CD302: variants seen among roughly 807,000 people sequenced by gnomAD.
CD302 encodes CD302 molecule, also known as CD302 antigen.
In CD302, 23 loss-of-function variants were observed where a neutral mutation model predicts 26.5. The observed-to-expected ratio is 0.87, with a 90% CI of 0.62 to 1.23. The LOEUF (loss-of-function observed/expected upper bound fraction) is 1.23, where lower values mean the gene tolerates loss of function less well. Ranked by LOEUF, CD302 falls within the 50% of genes most tolerant of loss-of-function variation. The pLI, the probability that CD302 is intolerant of heterozygous loss-of-function variation, is 0.00. For synonymous variants in CD302, 90 were observed against 99.4 expected (o/e 0.91, Z 0.56); for missense variants, 290 against 275.5 (o/e 1.05, Z -0.37).
intron 1 of CD302, among the ~76,000 whole-genome samples, chr2:159,784,346 C>CTTTTTT (rs151184238): frequency 1.9e-5 from 1 of 53,066 alleles, no homozygotes; most frequent in Non-Finnish European, 3.2e-5. Flanking sequence ...TTAAGTTCTG[C>CTTTTTT]TTTTTTTTTT....
At chr2:159,780,326 C>G (rs1259303981) in intron 3 of CD302, 148 bp from the exon 4 acceptor site, 2 of 925,212 alleles carry the variant, frequency 2.2e-6, no homozygotes, top group Non-Finnish European at 3.1e-6. Flanking sequence ...AGGAATATAT[C>G]CTGTGTACAG....
rs1432639373 is a variant in CD302 at position 159,768,635 on chromosome 2, C to G, written c.*3216G>C. 6.6e-6 allele frequency: 1 copy of G among 152,504 alleles called. No homozygotes were observed. The highest frequency in any genetic ancestry group is 1.5e-5 in the Non-Finnish European group (1 of 67,982). 9.4% of individuals were successfully genotyped at this position (152,504 alleles called of 1,614,324 possible). On this transcript the variant is annotated 3_prime_UTR_variant, in exon 6 of 6. Coordinates refer to ENST00000259053, the MANE Select transcript of CD302 (RefSeq NM_014880.5). ...TCAAAGAAGACATCAGACTTCATAA[C>G]CAAGAATTTTATTACAATTTCAAAT... is the stretch of plus-strand genomic sequence containing the variant.
At chr2:159,781,603 G>A (rs1708513580) in intron 2 of CD302, 1 of 145,616 alleles carries the variant, frequency 6.9e-6, no homozygotes, top group Non-Finnish European at 1.5e-5. Flanking sequence ...AAAAGAGAGA[G>A]AAAGAAAGAA....
intron 1 of CD302, among the ~76,000 whole-genome samples, chr2:159,796,349 T>C (rs1708954604): frequency 6.6e-6 from 1 of 152,194 alleles, no homozygotes; most frequent in Non-Finnish European, 1.5e-5. Context: ...TCAGTAACCA[T>C]AAACATCCAA....
At position 159,768,988 on chromosome 2, in the gene CD302, A is replaced by C. The variant is rs1459039039; in HGVS notation, c.*2863T>G. The C allele has an allele frequency of 2.0e-5, 3 of 152,210 alleles. No homozygotes were observed. The highest frequency in any genetic ancestry group is 7.2e-5 in the African/African-American group (3 of 41,450). 9.4% of individuals were successfully genotyped at this position (152,210 alleles called of 1,614,324 possible). On this transcript the variant is annotated 3_prime_UTR_variant, in exon 6 of 6. Transcript: ENST00000259053. The stretch of plus-strand genomic sequence containing the variant: ...ATAACAATGGCTTAAGCTTTACAGT[A>C]TTCTTGTAGTTCCCTAGTACCACTT...
intron 1 of CD302, among the ~76,000 whole-genome samples, chr2:159,788,212 A>G (rs1708719038): frequency 1.0e-5 from 1 of 99,036 alleles, no homozygotes; most frequent in African/African-American, 3.8e-5. Context: ...TTCATTTAAG[A>G]TGTACATAGT....
At chr2:159,786,098 C>A (rs1322651604) in intron 1 of CD302, among the ~76,000 whole-genome samples, 1 of 152,158 alleles carries the variant, frequency 6.6e-6, no homozygotes, top group Admixed American at 6.5e-5. Context: ...TCATTGGCAT[C>A]TTTTGCTCCT....
At chr2:159,794,690 A>G (rs1708903313) in intron 1 of CD302, among the ~76,000 whole-genome samples, 3 of 151,430 alleles carry the variant, frequency 2.0e-5, no homozygotes, top group Non-Finnish European at 4.4e-5. Flanking sequence ...CTGGGACCAC[A>G]GGTGCCTGCC....
chr2:159,797,430 C>T (rs1053886279), intron 1 of CD302, among the ~76,000 whole-genome samples: 3 of 152,100 alleles, frequency 2.0e-5, no homozygotes, highest in Non-Finnish European at 1.5e-5. Context: ...ATAAAGACCA[C>T]GGTCAATAGA....
chr2:159,786,915 T>G (rs1708681618), intron 1 of CD302, among the ~76,000 whole-genome samples: 1 of 152,324 alleles, frequency 6.6e-6, no homozygotes, highest in Middle Eastern at 3.4e-3. Flanking sequence ...TAACCTAACT[T>G]CTAACACCAT....
rs1242786104 is a variant in CD302 at position 159,770,586 on chromosome 2, G to A, written c.*1265C>T. The A allele has an allele frequency of 6.6e-6, 1 of 152,124 alleles. No homozygotes were observed. The highest frequency in any genetic ancestry group is 1.5e-5 in the Non-Finnish European group (1 of 68,016). The allele number at this position is 152,124 out of a possible 1,614,324, so 9.4% of individuals were successfully genotyped here. ...CAGAAGAGGGATTACTTTTCTTTGA[G>A]CCTCAGACTTCTAGACAGTATACTT... is the stretch of plus-strand genomic sequence containing the variant. On this transcript the variant is annotated 3_prime_UTR_variant, in exon 6 of 6. Transcript: ENST00000259053.
At chr2:159,781,386 C>CAA (rs11451100) in intron 2 of CD302, 12 of 130,020 alleles carry the variant, frequency 9.2e-5, no homozygotes, top group East Asian at 2.2e-4. Flanking sequence ...CTGTCCCTAC[C>CAA]AAAAAAAAAT....
chr2:159,777,515 A>G (rs1708370676), intron 5 of CD302, among the ~76,000 whole-genome samples: 1 of 152,242 alleles, frequency 6.6e-6, no homozygotes. Context: ...ACTTTCTAGA[A>G]TATACTCAAA....
chr2:159,784,147 AT>A (rs1708597945), intron 1 of CD302, among the ~76,000 whole-genome samples: 1 of 152,068 alleles, frequency 6.6e-6, no homozygotes, highest in Non-Finnish European at 1.5e-5. Flanking sequence ...CTAGAATTTA[AT>A]TGGTTAGTAT....
rs973481165 is a variant in CD302 at position 159,780,062 on chromosome 2, A to C, written c.412T>G (p.Trp138Gly). The stretch of plus-strand genomic sequence containing the variant: ...GAAACTTCACAATTTCCTTTTTTCC[A>C]TTCACCTGTCTTGATGTGCAGAAAA... ...CAFLHIKTGE[W>G]KKGNCEVSSV... Residue 138 changes from tryptophan to glycine, a missense_variant, in exon 4 of 6, where the codon TGG becomes GGG. Coordinates refer to ENST00000259053, the MANE Select transcript of CD302 (RefSeq NM_014880.5). 1.2e-6 allele frequency: 2 copies of C among 1,613,932 alleles called. No individual in the cohort carries two copies. Among genetic ancestry groups the C allele is most frequent in the Admixed American group, 1.7e-5 (1 of 59,980 alleles).
chr2:159,793,557 C>T (rs2125815788), intron 1 of CD302, among the ~76,000 whole-genome samples: 1 of 152,256 alleles, frequency 6.6e-6, no homozygotes, highest in South Asian at 2.1e-4. Context: ...AAGACCTTTG[C>T]TCCTCTCCCA....
rs775893556 is a variant in CD302 at position 159,770,707 on chromosome 2, C to G, written c.*1144G>C. On this transcript the variant is annotated 3_prime_UTR_variant, in exon 6 of 6. Transcript: ENST00000259053. ...ATTTAGATACACAAATATTGTGTTA[C>G]AATTGTCTGCAGTATTCAGCACAGT... is the stretch of plus-strand genomic sequence containing the variant. 1 of 152,040 alleles carries G rather than the reference C, an allele frequency of 6.6e-6. No individual in the cohort carries two copies. Among genetic ancestry groups the G allele is most frequent in the Non-Finnish European group, 1.5e-5 (1 of 67,984 alleles). The allele number at this position is 152,040 out of a possible 1,614,324, so 9.4% of individuals were successfully genotyped here. A position where few individuals can be genotyped will look rare whatever the true frequency, so the allele number is the denominator to read the frequency against.
chr2:159,794,825 G>A (rs1488918936), intron 1 of CD302, among the ~76,000 whole-genome samples: 2 of 151,632 alleles, frequency 1.3e-5, no homozygotes, highest in Non-Finnish European at 2.9e-5. Flanking sequence ...TGGGATTACA[G>A]GCGTGAGCCA....
chr2:159,780,731 G>T, intron 3 of CD302, 151 bp downstream of exon 3: 1 of 712,162 alleles, frequency 1.4e-6, no homozygotes, highest in Non-Finnish European at 2.4e-6. Context: ...GCAGATACAA[G>T]CTGTGGTATG....
Sources: gnomAD v4.1 joint callset for allele counts (sites outside exome capture counted in the v4.1 genomes callset) on GRCh38, gnomAD v4.1.1 for gene constraint, MANE v1.5 for transcripts, NCBI Gene and HGNC (gene_info 2026-07-23, HGNC 2026-07-21) for gene names.